TMEM266: variants seen among roughly 807,000 people sequenced by gnomAD.
The protein encoded by TMEM266 is Hv1 related protein 1.
Under a neutral mutation model 50.5 loss-of-function variants are expected in TMEM266, and 33 were observed. The observed-to-expected ratio is 0.65, with a 90% CI of 0.50 to 0.87. TMEM266 has a LOEUF of 0.87. TMEM266 is among the 40% of genes least tolerant of loss of function. The pLI is 0.00. For synonymous variants in TMEM266, 310 were observed against 292.3 expected, an observed-to-expected ratio of 1.06 and a Z score of -0.62; for missense variants, 655 against 695.1, an observed-to-expected ratio of 0.94 and a Z score of 0.65.
chr15:76,063,061 A>T (rs1422951564), intron 1 of TMEM266, among the ~76,000 whole-genome samples: 2 of 152,212 alleles, frequency 1.3e-5, no homozygotes, highest in African/African-American at 4.8e-5. Context: ...AGTATTTCTT[A>T]ATTTAGTATT....
intron 5 of TMEM266, among the ~76,000 whole-genome samples, chr15:76,166,151 C>T (rs2038093385): frequency 6.6e-6 from 1 of 151,876 alleles, no homozygotes; most frequent in African/African-American, 2.4e-5. Context: ...TCAGTCTGTG[C>T]GGGGCAGGGC....
At chr15:76,066,674 C>T (rs139698183) in intron 1 of TMEM266, among the ~76,000 whole-genome samples, 1,995 of 151,588 alleles carry the variant, frequency 0.013, 19 homozygotes, top group Non-Finnish European at 0.019. Context: ...CCTTTATTGG[C>T]GTTGTGAGTT....
chr15:76,086,001 T>A (rs1435121527), intron 1 of TMEM266, among the ~76,000 whole-genome samples: 2 of 148,470 alleles, frequency 1.3e-5, no homozygotes, highest in Non-Finnish European at 3.0e-5. Context: ...TGAGCTGAGA[T>A]CATGCCATTG....
intron 1 of TMEM266, among the ~76,000 whole-genome samples, chr15:76,101,990 G>C (rs1014789440): frequency 6.6e-6 from 1 of 152,238 alleles, no homozygotes; most frequent in Non-Finnish European, 1.5e-5. Context: ...ACTGCATACA[G>C]ATGGAGGCTG....
rs533124258 is a variant in TMEM266, at chr15:76,169,101, A to G, written c.457-715A>G. 3.3e-5 allele frequency among the ~76,000 whole-genome samples: 5 copies of G among 152,320 alleles called. No homozygotes were observed. The East Asian group carries it at 7.7e-4, about 24-fold the overall frequency. On this transcript the variant is annotated intron_variant, in intron 5 of 10. Transcript: ENST00000388942. ...CCTCCTTGGTTGAAGATGGCACACCATCACACTTATGCACCCAATTCTGGG... is the reference window on the plus strand; with the variant it reads ...CCTCCTTGGTTGAAGATGGCACACCGTCACACTTATGCACCCAATTCTGGG...
At chr15:76,105,483 A>G (rs1432971940) in intron 1 of TMEM266, among the ~76,000 whole-genome samples, 1 of 152,200 alleles carries the variant, frequency 6.6e-6, no homozygotes, top group Non-Finnish European at 1.5e-5. Flanking sequence ...GATCAGAAAA[A>G]TTCTTCTGTA....
chr15:76,062,879 T>G (rs777266777), intron 1 of TMEM266, among the ~76,000 whole-genome samples: 2 of 152,032 alleles, frequency 1.3e-5, no homozygotes, highest in Non-Finnish European at 2.9e-5. Flanking sequence ...TTCACGAGAG[T>G]TTTTGGGAGA....
In TMEM266 at chr15:76,161,778, A is replaced by G. The variant is rs1233523057; in HGVS notation, c.456+1610A>G. Reference sequence around the variant, plus strand: ...GCCTGCTCCCCAGCTTACAGCCCCCATGTGGGTCTTGCCCTCCCTGGCCTC... The same window carrying G: ...GCCTGCTCCCCAGCTTACAGCCCCCGTGTGGGTCTTGCCCTCCCTGGCCTC... On this transcript the variant is annotated intron_variant, in intron 5 of 10. Transcript: ENST00000388942. The surrounding 1 kb of genome is among the most constrained non-coding windows in gnomAD (Gnocchi z 4.1). Among the ~76,000 whole-genome samples the G allele has an allele frequency of 6.6e-6, 1 of 152,078 alleles. No homozygotes were observed. The highest frequency in any genetic ancestry group is 1.5e-5 in the Non-Finnish European group (1 of 68,008).
chr15:76,067,882 A>G (rs1305124821), intron 1 of TMEM266, among the ~76,000 whole-genome samples: 1 of 152,156 alleles, frequency 6.6e-6, no homozygotes, highest in Non-Finnish European at 1.5e-5. Flanking sequence ...GAAATATTTG[A>G]TTATGACTGG....
chr15:76,111,704 G>A (rs543714789), intron 1 of TMEM266, among the ~76,000 whole-genome samples: 189 of 152,292 alleles, frequency 1.2e-3, no homozygotes, highest in Admixed American at 3.2e-3. Context: ...CACCATGCCC[G>A]GCCAACACTT....
In TMEM266 at chr15:76,175,647, G is replaced by A; in HGVS notation, c.741G>A (p.Arg247=). Residue 247 remains arginine, a synonymous_variant, in exon 8 of 11, where the codon AGG becomes AGA. Coordinates refer to ENST00000388942, the MANE Select transcript of TMEM266 (RefSeq NM_152335.3). ...TCATCCAAGACGAGCAGCTGGAGAG[G>A]CTGACGCAGATCTGTCAGGAGCAAG... is the stretch of plus-strand genomic sequence containing the variant. 1 of 1,614,166 alleles carries A rather than the reference G, an allele frequency of 6.2e-7. No homozygotes were observed. Among genetic ancestry groups the A allele is most frequent in the East Asian group, 2.2e-5 (1 of 44,878 alleles).
rs111736838 is a variant in TMEM266 at position 76,088,639 on chromosome 15, T to G, written c.-97+28623T>G. 5.5e-3 allele frequency among the ~76,000 whole-genome samples: 805 copies of G among 146,932 alleles called. 10 individuals carry two copies. Among genetic ancestry groups the G allele is most frequent in the African/African-American group, 0.019 (762 of 39,422 alleles). ...GTGAAACCCCATCTCTACTAAAAAA[T>G]ACAAAAAATTAGCCAGGCGTGGTGG... is the stretch of plus-strand genomic sequence containing the variant. On this transcript the variant is annotated intron_variant, in intron 1 of 10. Coordinates refer to ENST00000388942, the MANE Select transcript of TMEM266 (RefSeq NM_152335.3).
chr15:76,075,426 G>A (rs536906328), intron 1 of TMEM266, among the ~76,000 whole-genome samples: 1 of 152,266 alleles, frequency 6.6e-6, no homozygotes, highest in South Asian at 2.1e-4. Flanking sequence ...GGAGCTGTAA[G>A]TGATTGGTTG....
intron 1 of TMEM266, among the ~76,000 whole-genome samples, chr15:76,106,603 C>T (rs889133862): frequency 6.6e-6 from 1 of 152,006 alleles, no homozygotes; most frequent in Non-Finnish European, 1.5e-5. Flanking sequence ...TCACACTTGG[C>T]TAATTATTTT....
At chr15:76,064,115 T>G (rs891437341) in intron 1 of TMEM266, among the ~76,000 whole-genome samples, 3 of 152,196 alleles carry the variant, frequency 2.0e-5, no homozygotes, top group Non-Finnish European at 4.4e-5. Context: ...GACTCTGGAT[T>G]CCTTCAGCCA....
chr15:76,121,166 G>C (rs1001076403), intron 1 of TMEM266, among the ~76,000 whole-genome samples: 14 of 152,158 alleles, frequency 9.2e-5, no homozygotes, highest in African/African-American at 3.4e-4. Context: ...TTGACATAGG[G>C]ACCTCAAGAG....
At chr15:76,170,236 G>C (rs760876143) in intron 6 of TMEM266, among the ~76,000 whole-genome samples, 5 of 152,188 alleles carry the variant, frequency 3.3e-5, no homozygotes, top group Admixed American at 2.0e-4. Flanking sequence ...CTGGGTTTCC[G>C]TTCTGCTTCC....
Position 76,175,608 on chromosome 15 carries a change from C to T in TMEM266, c.702C>T (p.Tyr234=), listed in dbSNP as rs765824878. Reference sequence around the variant, plus strand: ...AGATGGAGATGGTTATCCAGCAGTACGAGAAGGCCAAGGTCATCCAAGACG... The same window carrying T: ...AGATGGAGATGGTTATCCAGCAGTATGAGAAGGCCAAGGTCATCCAAGACG... Residue 234 remains tyrosine, a synonymous_variant, in exon 8 of 11, where the codon TAC becomes TAT. Transcript: ENST00000388942. 63 of 1,614,050 alleles carry T rather than the reference C, an allele frequency of 3.9e-5. No individual in the cohort carries two copies. Among genetic ancestry groups the T allele is most frequent in the African/African-American group, 5.3e-5 (4 of 74,936 alleles).
chr15:76,158,632 A>G (rs1028924103), intron 4 of TMEM266, among the ~76,000 whole-genome samples: 3 of 145,702 alleles, frequency 2.1e-5, no homozygotes, highest in Admixed American at 6.7e-5. Flanking sequence ...AAAACGCACA[A>G]TCAGAGATTT....
Sources: gnomAD v4.1 joint callset for allele counts (sites outside exome capture counted in the v4.1 genomes callset) on GRCh38, gnomAD v4.1.1 for gene constraint, Gnocchi (gnomAD v3.1) non-coding constraint, MANE v1.5 for transcripts, NCBI Gene and HGNC (gene_info 2026-07-23, HGNC 2026-07-21) for gene names.